The following ARAP2 variants were observed in gnomAD, a reference collection of about 807,000 sequenced individuals.
ARAP2 encodes ArfGAP with RhoGAP domain, ankyrin repeat and PH domain 2.
ARAP2 carries 148 observed loss-of-function variants against 194.5 expected under a neutral mutation model. That is an observed-to-expected ratio of 0.76 (90% CI 0.67 to 0.87). ARAP2 has a LOEUF of 0.87. ARAP2 is among the 40% of genes least tolerant of loss of function. The probability of loss-of-function intolerance (pLI) is 0.00; values close to 1 mark genes in which losing one functional copy is unlikely to be tolerated. For synonymous variants in ARAP2, 695 were observed against 683.5 expected (o/e 1.02, Z -0.26); for missense variants, 2,128 against 1,989.7 (o/e 1.07, Z -1.32).
intron 31 of ARAP2, among the ~76,000 whole-genome samples, chr4:36,075,226 T>G (rs1269009072): frequency 1.3e-5 from 2 of 152,132 alleles, no homozygotes; most frequent in African/African-American, 4.8e-5. Context: ...TAAAATATAT[T>G]TTGAAGAATC....
chr4:36,196,951 A>C (rs1743243104), intron 6 of ARAP2, among the ~76,000 whole-genome samples: 1 of 151,516 alleles, frequency 6.6e-6, no homozygotes, highest in Non-Finnish European at 1.5e-5. Flanking sequence ...CATTTCACCA[A>C]GTGACCATTC....
Position 36,210,524 on chromosome 4 carries a change from A to AT in ARAP2, c.1352dup (p.Tyr451Ter). Reference sequence around the variant, plus strand: ...CATTTCCACTTGTTGAGCTTAACGGATAACTGTGCCTATTAACGGAGTCCA... The same window carrying AT: ...CATTTCCACTTGTTGAGCTTAACGGATTAACTGTGCCTATTAACGGAGTCCA... ...LILDSVNRHS[Y>*]PLSSTSGNAD... The change falls in exon 6 of 33, where the codon TAT becomes TAAT. Residue 451 changes from tyrosine to a stop codon, truncating the protein, a stop_gained and frameshift_variant. Transcript: ENST00000303965. LOFTEE classifies it high-confidence loss of function. 7 of 1,613,972 alleles carry AT rather than the reference A, an allele frequency of 4.3e-6. No individual in the cohort carries two copies. The highest frequency in any genetic ancestry group is 5.9e-6 in the Non-Finnish European group (7 of 1,179,880).
chr4:36,044,411 AGAGAGG>A (rs1175845635), intron 5 of ARAP2, among the ~76,000 whole-genome samples: 2 of 152,194 alleles, frequency 1.3e-5, no homozygotes, highest in African/African-American at 4.8e-5. Flanking sequence ...TATGGTGTCA[AGAGAGG>A]GAGTTTGTGT....
chr4:36,130,610 C>A (rs1049633403), intron 20 of ARAP2, among the ~76,000 whole-genome samples: 4 of 151,870 alleles, frequency 2.6e-5, no homozygotes, highest in African/African-American at 7.3e-5. Flanking sequence ...ACCAGTAGCA[C>A]CCCCTGAACC....
intron 19 of ARAP2, among the ~76,000 whole-genome samples, chr4:36,140,630 C>T (rs1043780774): frequency 6.6e-6 from 1 of 151,622 alleles, no homozygotes; most frequent in Admixed American, 6.6e-5. Context: ...AACATATTAG[C>T]TGCTATAAAA....
intron 6 of ARAP2, among the ~76,000 whole-genome samples, chr4:36,200,860 C>A (rs1409887382): frequency 6.6e-6 from 1 of 152,156 alleles, no homozygotes; most frequent in East Asian, 1.9e-4. Flanking sequence ...GAAAAGTTTT[C>A]TCTGAAGTTG....
At chr4:36,049,840 A>T (rs1253483868) in intron 3 of ARAP2, among the ~76,000 whole-genome samples, 1 of 152,206 alleles carries the variant, frequency 6.6e-6, no homozygotes. Flanking sequence ...ATGAGTATGT[A>T]TCTTGACTTA....
At chr4:36,033,073 A>G (rs115169467) in intron 5 of ARAP2, among the ~76,000 whole-genome samples, 1,584 of 152,284 alleles carry the variant, frequency 0.01, 27 homozygotes, top group African/African-American at 0.036. Flanking sequence ...CCAGTCTGTC[A>G]TTGATGGGCA....
chr4:36,115,450 G>A (rs1721087662), intron 25 of ARAP2, among the ~76,000 whole-genome samples: 1 of 151,906 alleles, frequency 6.6e-6, no homozygotes, highest in Non-Finnish European at 1.5e-5. Flanking sequence ...ATAAATTATT[G>A]AGAAACCCAC....
chr4:36,146,153 A>C (rs761496370), intron 19 of ARAP2, among the ~76,000 whole-genome samples: 1 of 151,936 alleles, frequency 6.6e-6, no homozygotes, highest in Non-Finnish European at 1.5e-5. Flanking sequence ...TGACTCTTAC[A>C]CTTATCTAAT....
intron 4 of ARAP2, 33 bp from the exon 5 acceptor site, chr4:36,212,520 A>G (rs1746986119): frequency 1.3e-6 from 2 of 1,506,868 alleles, no homozygotes; most frequent in South Asian, 2.3e-5. Flanking sequence ...AAAAACACAT[A>G]CTGTTTTGCT....
At chr4:36,121,661 T>C (rs1247554587) in intron 22 of ARAP2, among the ~76,000 whole-genome samples, 1 of 151,474 alleles carries the variant, frequency 6.6e-6, no homozygotes, top group Admixed American at 6.6e-5. Context: ...TGGCGTAAAA[T>C]GACTTGTGGG....
At chr4:36,221,020 A>C (rs1200620900) in intron 2 of ARAP2, among the ~76,000 whole-genome samples, 1 of 152,108 alleles carries the variant, frequency 6.6e-6, no homozygotes, top group African/African-American at 2.4e-5. Context: ...AGTGCCCTAT[A>C]CAAGTGTACT....
At chr4:36,145,342 C>A (rs1430160296) in intron 19 of ARAP2, among the ~76,000 whole-genome samples, 1 of 152,100 alleles carries the variant, frequency 6.6e-6, no homozygotes, top group South Asian at 2.1e-4. Flanking sequence ...GAATACTACA[C>A]AACCATAAAT....
In ARAP2 at chr4:36,228,588, G is replaced by A. The variant is rs1399164063; in HGVS notation, c.899C>T (p.Ser300Phe). The A allele has an allele frequency of 1.3e-6, 2 of 1,583,288 alleles. No homozygotes were observed. The highest frequency in any genetic ancestry group is 1.7e-6 in the Non-Finnish European group (2 of 1,165,470). Residue 300 changes from serine (S) to phenylalanine (F), a missense_variant, in exon 2 of 33, where the codon TCT becomes TTT. Transcript: ENST00000303965. ...TTATTGTAAAGATTCTTACCTCCCA[G>A]AAACTCCTTTTGTTGACCCTGGAAT... is the stretch of plus-strand genomic sequence containing the variant. ...PEIPGSTKGV[S>F]GSYFRERRNV...
chr4:36,084,753 T>G (rs1323566542), intron 28 of ARAP2, among the ~76,000 whole-genome samples: 3 of 152,028 alleles, frequency 2.0e-5, no homozygotes, highest in African/African-American at 7.2e-5. Context: ...ACCAGGAAGA[T>G]GATCAGAAAT....
intron 6 of ARAP2, among the ~76,000 whole-genome samples, chr4:36,199,797 A>G (rs1743971927): frequency 6.6e-6 from 1 of 152,234 alleles, no homozygotes; most frequent in South Asian, 2.1e-4. Flanking sequence ...AATGTATTGT[A>G]CACCTGAAAT....
intron 19 of ARAP2, among the ~76,000 whole-genome samples, chr4:36,142,359 C>A (rs532581013): frequency 6.6e-6 from 1 of 151,686 alleles, no homozygotes; most frequent in Non-Finnish European, 1.5e-5. Flanking sequence ...AAGTTTAAGC[C>A]ATCTGAAAAC....
chr4:36,215,610 A>T (rs932198704), intron 2 of ARAP2, among the ~76,000 whole-genome samples: 3 of 152,214 alleles, frequency 2.0e-5, no homozygotes, highest in Non-Finnish European at 4.4e-5. Context: ...TAAAACTTAT[A>T]ATGTCACGTA....
Sources: allele counts gnomAD v4.1 joint callset (sites outside exome capture counted in the v4.1 genomes callset), GRCh38; gene constraint gnomAD v4.1.1; transcripts MANE v1.5; gene names NCBI Gene and HGNC (gene_info 2026-07-23, HGNC 2026-07-21).